Variants in ZMYM2 observed in about 807,000 individuals in gnomAD.
ZMYM2 encodes the protein zinc finger MYM-type protein 2.
Under a neutral mutation model 162.8 loss-of-function variants are expected in ZMYM2, and 56 were observed. That is an observed-to-expected ratio of 0.34 (90% CI 0.28 to 0.43). ZMYM2 has a LOEUF of 0.43. Among genes scored for constraint, ZMYM2 ranks in the 20% least tolerant of loss-of-function variants. ZMYM2 has a pLI of 1.00. For missense variants in ZMYM2, 1,275 were observed against 1,621.8 expected, an observed-to-expected ratio of 0.79 and a Z score of 3.67; for synonymous variants, 510 against 541.6, an observed-to-expected ratio of 0.94 and a Z score of 0.81.
the ZMYM2 span, among the ~76,000 whole-genome samples, chr13:19,879,234 G>A: frequency 6.6e-6 from 1 of 152,028 alleles, no homozygotes; most frequent in South Asian, 2.1e-4. Context: ...AGTATCATTC[G>A]TTGAAAAGAC....
intron 7 of ZMYM2, chr13:20,025,881 A>C (rs1348075001): frequency 6.6e-6 from 1 of 152,214 alleles, no homozygotes; most frequent in African/African-American, 2.4e-5. Context: ...CATATATCTA[A>C]ACATAGAAAA....
the ZMYM2 span, among the ~76,000 whole-genome samples, chr13:19,907,760 T>TAAAA: frequency 1.6e-3 from 2 of 1,274 alleles, no homozygotes; most frequent in Admixed American, 0.056. Flanking sequence ...AGACTCTGTC[T>TAAAA]CAAAAAAAAA....
intron 21 of ZMYM2, among the ~76,000 whole-genome samples, chr13:20,069,466 C>G (rs1419076913): frequency 6.6e-6 from 1 of 150,954 alleles, no homozygotes; most frequent in East Asian, 1.9e-4. Flanking sequence ...AACTTTTCTT[C>G]CATTCTTAGT....
chr13:19,922,635 G>C, the ZMYM2 span, among the ~76,000 whole-genome samples: 1 of 151,970 alleles, frequency 6.6e-6, no homozygotes, highest in South Asian at 2.1e-4. Flanking sequence ...ACGAGGTCAG[G>C]AGATCGAGAC....
At chr13:20,007,422 C>T (rs1950829295) in intron 6 of ZMYM2, among the ~76,000 whole-genome samples, 1 of 152,058 alleles carries the variant, frequency 6.6e-6, no homozygotes, top group Admixed American at 6.6e-5. Context: ...CAGGCGTGAA[C>T]CACTGCACCC....
chr13:19,940,334 T>C, the ZMYM2 span, among the ~76,000 whole-genome samples: 2 of 152,226 alleles, frequency 1.3e-5, no homozygotes, highest in African/African-American at 2.4e-5. Flanking sequence ...GTTCTTAATC[T>C]GTTTGGAATG....
chr13:20,046,671 GTGTGTATA>G (rs1333815276), intron 12 of ZMYM2, among the ~76,000 whole-genome samples: 4 of 149,646 alleles, frequency 2.7e-5, no homozygotes, highest in African/African-American at 2.5e-5. Flanking sequence ...GTATATATAT[GTGTGTATA>G]TATGTATATA....
chr13:20,058,432 G>A (rs1955976129), intron 14 of ZMYM2, 143 bp from the exon 15 acceptor site: 4 of 947,782 alleles, frequency 4.2e-6, no homozygotes, highest in East Asian at 5.4e-5. Flanking sequence ...AGAGTATGGT[G>A]AACATAGGGA....
intron 3 of ZMYM2, among the ~76,000 whole-genome samples, chr13:20,000,056 C>G (rs933052630): frequency 1.3e-5 from 2 of 152,150 alleles, no homozygotes; most frequent in Non-Finnish European, 2.9e-5. Flanking sequence ...CTTCAGACCC[C>G]CAAAGTGCTG....
At chr13:20,044,063 G>A (rs962287061) in intron 12 of ZMYM2, among the ~76,000 whole-genome samples, 82 of 152,182 alleles carry the variant, frequency 5.4e-4, no homozygotes, top group African/African-American at 1.9e-3. Context: ...TCTTCTTATG[G>A]GCAAGACCTC....
chr13:19,937,776 T>C, the ZMYM2 span, among the ~76,000 whole-genome samples: 14 of 141,756 alleles, frequency 9.9e-5, no homozygotes, highest in African/African-American at 3.6e-4. Flanking sequence ...CTCCTAGTGC[T>C]ATCCCTCCCC....
chr13:20,074,196 T>TTGTGTGTGTG (rs59855358), intron 21 of ZMYM2, among the ~76,000 whole-genome samples: 262 of 141,584 alleles, frequency 1.9e-3, no homozygotes, highest in Middle Eastern at 0.018. Context: ...ATGTCAGAAT[T>TTGTGTGTGTG]TGTGTGTGTG....
chr13:20,008,131 G>GT (rs1446184921), intron 6 of ZMYM2, among the ~76,000 whole-genome samples: 2 of 151,688 alleles, frequency 1.3e-5, no homozygotes, highest in African/African-American at 4.8e-5. Flanking sequence ...AATTGTTGTT[G>GT]TTTTTTGTTT....
intron 21 of ZMYM2, among the ~76,000 whole-genome samples, chr13:20,067,805 A>G (rs1484714507): frequency 6.6e-6 from 1 of 152,208 alleles, no homozygotes; most frequent in African/African-American, 2.4e-5. Flanking sequence ...CCACATGTCT[A>G]TGAATTTGTT....
At chr13:19,980,215 G>A (rs1404761134) in intron 2 of ZMYM2, among the ~76,000 whole-genome samples, 3 of 151,882 alleles carry the variant, frequency 2.0e-5, no homozygotes, top group Admixed American at 6.6e-5. Context: ...ATTTCTTTCG[G>A]TGTGAGACAA....
chr13:19,878,520 T>TCCCC, the ZMYM2 span, among the ~76,000 whole-genome samples: 175 of 14,724 alleles, frequency 0.012, 1 homozygote, highest in East Asian at 0.25. Context: ...CTTTGCCCTT[T>TCCCC]TTTTTTTTTT....
At chr13:20,061,312 T>G in intron 17 of ZMYM2, 88 bp downstream of exon 17, 1 of 1,429,328 alleles carries the variant, frequency 7.0e-7, no homozygotes, top group South Asian at 1.5e-5. Flanking sequence ...GGCATATCAT[T>G]TTGTTTCAAC....
chr13:19,965,347 T>C (rs1955649864), intron 2 of ZMYM2: 1 of 838,184 alleles, frequency 1.2e-6, no homozygotes, highest in Admixed American at 2.8e-5. Flanking sequence ...TCTCTTCTAA[T>C]ACTGGAACAG....
intron 12 of ZMYM2, among the ~76,000 whole-genome samples, chr13:20,041,996 CT>C (rs1954295150): frequency 6.6e-6 from 1 of 152,062 alleles, no homozygotes; most frequent in African/African-American, 2.4e-5. Context: ...AACATTTTTT[CT>C]TTCATTTCAA....
Sources: gnomAD v4.1 joint callset for allele counts (sites outside exome capture counted in the v4.1 genomes callset) on GRCh38, gnomAD v4.1.1 for gene constraint, MANE v1.5 for transcripts, NCBI Gene and HGNC (gene_info 2026-07-23, HGNC 2026-07-21) for gene names.